TCAIM: variants seen among roughly 807,000 people sequenced by gnomAD.
The protein encoded by TCAIM is T-cell activation inhibitor, mitochondrial.
A neutral mutation model predicts 58.6 loss-of-function variants in TCAIM; 36 were observed. That is an observed-to-expected ratio of 0.61 (90% CI 0.47 to 0.81). The LOEUF is 0.81. Ranked by LOEUF, TCAIM falls within the 30% of genes least tolerant of loss-of-function variation. The pLI, the probability that TCAIM is intolerant of heterozygous loss-of-function variation, is 0.00. For synonymous variants in TCAIM, 172 were observed against 193.6 expected (o/e 0.89, Z 0.93); for missense variants, 466 against 579.6 (o/e 0.80, Z 2.01).
At chr3:44,403,583 G>GCTTTTTCT (rs1414495868) in intron 10 of TCAIM, among the ~76,000 whole-genome samples, 1 of 152,154 alleles carries the variant, frequency 6.6e-6, no homozygotes, top group Non-Finnish European at 1.5e-5. Flanking sequence ...CCTATCGGCT[G>GCTTTTTCT]CTTTTTCTCT....
intron 1 of TCAIM, among the ~76,000 whole-genome samples, chr3:44,345,155 C>T (rs1030067259): frequency 3.9e-5 from 6 of 151,904 alleles, no homozygotes; most frequent in African/African-American, 7.3e-5. Flanking sequence ...AGGATTGGGG[C>T]GGCGTGGGAA....
At chr3:44,364,653 A>AT (rs1701345758) in intron 4 of TCAIM, among the ~76,000 whole-genome samples, 1 of 151,916 alleles carries the variant, frequency 6.6e-6, no homozygotes, top group South Asian at 2.1e-4. Flanking sequence ...AAGGTAGGAG[A>AT]ATCACCTGAG....
intron 4 of TCAIM, chr3:44,362,519 A>G (rs1701309223): frequency 2.5e-6 from 1 of 400,648 alleles, no homozygotes; most frequent in African/African-American, 2.0e-5. Flanking sequence ...ATTTGATAGT[A>G]TATGATCTCT....
chr3:44,376,767 A>G (rs1346379666), intron 5 of TCAIM, among the ~76,000 whole-genome samples: 6 of 152,212 alleles, frequency 3.9e-5, no homozygotes, highest in African/African-American at 1.4e-4. Context: ...AACTTTCCAA[A>G]AGACAAATAC....
At chr3:44,362,408 C>T (rs1198214726) in intron 4 of TCAIM, 1 of 400,878 alleles carries the variant, frequency 2.5e-6, no homozygotes, top group East Asian at 3.6e-5. Flanking sequence ...CTCACCCTCC[C>T]CCGGCTCTCA....
chr3:44,385,536 T>A (rs1701725042), intron 5 of TCAIM, among the ~76,000 whole-genome samples: 1 of 151,502 alleles, frequency 6.6e-6, no homozygotes, highest in Admixed American at 6.6e-5. Flanking sequence ...GGTCAGGAGA[T>A]TGAGACCGTC....
At chr3:44,397,174 G>T (rs966022147) in intron 8 of TCAIM, among the ~76,000 whole-genome samples, 1 of 152,104 alleles carries the variant, frequency 6.6e-6, no homozygotes, top group African/African-American at 2.4e-5. Flanking sequence ...CATGTTTCTT[G>T]TGTGTTATTT....
At chr3:44,368,483 G>T (rs975932184) in intron 5 of TCAIM, among the ~76,000 whole-genome samples, 4 of 152,186 alleles carry the variant, frequency 2.6e-5, no homozygotes, top group Admixed American at 6.5e-5. Context: ...TCTAAATAAG[G>T]CTGAAAAGGT....
chr3:44,348,571 G>A (rs1302145976), intron 1 of TCAIM, among the ~76,000 whole-genome samples: 1 of 152,138 alleles, frequency 6.6e-6, no homozygotes, highest in African/African-American at 2.4e-5. Context: ...GATGTGGCTG[G>A]GGTTTCTCTC....
intron 7 of TCAIM, 48 bp downstream of exon 7, chr3:44,396,545 C>T: frequency 3.9e-6 from 6 of 1,546,850 alleles, no homozygotes; most frequent in South Asian, 3.6e-5. Context: ...CTGCTATGTA[C>T]GTCTATAAAT....
At chr3:44,391,961 T>C (rs563778622) in intron 5 of TCAIM, among the ~76,000 whole-genome samples, 1 of 152,220 alleles carries the variant, frequency 6.6e-6, no homozygotes, top group Non-Finnish European at 1.5e-5. Context: ...TAATATTTGC[T>C]CACTTGCTCC....
chr3:44,348,122 A>C (rs1351829401), intron 1 of TCAIM, among the ~76,000 whole-genome samples: 1 of 152,188 alleles, frequency 6.6e-6, no homozygotes, highest in Admixed American at 6.5e-5. Flanking sequence ...TACCCACAAC[A>C]GTTATGGAGG....
intron 5 of TCAIM, among the ~76,000 whole-genome samples, chr3:44,382,645 A>T (rs1226557130): frequency 1.3e-5 from 2 of 152,220 alleles, no homozygotes; most frequent in African/African-American, 4.8e-5. Flanking sequence ...CTCTTAGAAG[A>T]AAACATAGGG....
intron 6 of TCAIM, 69 bp from the exon 7 acceptor site, chr3:44,396,331 T>C (rs1289624805): frequency 7.4e-7 from 1 of 1,354,766 alleles, no homozygotes; most frequent in East Asian, 2.4e-5. Flanking sequence ...ACTCCAGTAG[T>C]TGTGGTGGGT....
intron 1 of TCAIM, among the ~76,000 whole-genome samples, chr3:44,343,824 G>T (rs749617914): frequency 6.6e-6 from 1 of 151,944 alleles, no homozygotes; most frequent in Non-Finnish European, 1.5e-5. Context: ...TTTGTATTTG[G>T]TAACATTTTA....
At chr3:44,351,686 G>A (rs762000692) in intron 1 of TCAIM, among the ~76,000 whole-genome samples, 7 of 151,570 alleles carry the variant, frequency 4.6e-5, no homozygotes, top group Non-Finnish European at 1.0e-4. Flanking sequence ...GTAGAGATGG[G>A]GTTTTGCCAT....
chr3:44,357,885 T>A lies in TCAIM; in HGVS notation c.165+9T>A, dbSNP rs1559563993. The A allele has an allele frequency of 6.2e-7, 1 of 1,611,634 alleles. No individual in the cohort carries two copies. Among genetic ancestry groups the A allele is most frequent in the Non-Finnish European group, 8.5e-7 (1 of 1,179,396 alleles). On this transcript the variant is annotated intron_variant, in intron 3 of 10. Transcript: ENST00000342649. ...AGCACCCCGTAGAAAGGGTAAACATTTATTTATTTTTAAACCATTAGTGTA... is the reference window on the plus strand; with the variant it reads ...AGCACCCCGTAGAAAGGGTAAACATATATTTATTTTTAAACCATTAGTGTA...
intron 8 of TCAIM, among the ~76,000 whole-genome samples, chr3:44,397,203 A>G (rs749240595): frequency 6.6e-6 from 1 of 152,166 alleles, no homozygotes; most frequent in Non-Finnish European, 1.5e-5. Context: ...TTGACATATT[A>G]TGTATGCCCA....
intron 4 of TCAIM, among the ~76,000 whole-genome samples, chr3:44,361,957 A>G (rs908964054): frequency 2.0e-5 from 3 of 152,158 alleles, no homozygotes; most frequent in African/African-American, 7.2e-5. Flanking sequence ...TTGAACTCCA[A>G]CCTTATGCTG....
Sources: gnomAD v4.1 joint callset for allele counts (sites outside exome capture counted in the v4.1 genomes callset) on GRCh38, gnomAD v4.1.1 for gene constraint, MANE v1.5 for transcripts, NCBI Gene and HGNC (gene_info 2026-07-23, HGNC 2026-07-21) for gene names.